Variants in CFAP299 observed in about 807,000 individuals in gnomAD.
CFAP299 encodes the protein cilia and flagella associated protein 299, also known as cilia- and flagella-associated protein 299.
A neutral mutation model predicts 27.0 loss-of-function variants in CFAP299; 21 were observed. The ratio of observed to expected loss-of-function variants is 0.78; its 90% CI spans 0.55 to 1.12. The LOEUF (loss-of-function observed/expected upper bound fraction) is 1.12. Ranked by LOEUF, CFAP299 falls within the 50% of genes most tolerant of loss-of-function variation. CFAP299 has a pLI of 0.00. For synonymous variants in CFAP299, 104 were observed against 98.1 expected (o/e 1.06, Z -0.36); for missense variants, 310 against 276.6 (o/e 1.12, Z -0.86).
chr4:80,428,300 A>G (rs1363465957), intron 2 of CFAP299, among the ~76,000 whole-genome samples: 1 of 152,154 alleles, frequency 6.6e-6, no homozygotes, highest in African/African-American at 2.4e-5. Context: ...TACTATCCCT[A>G]TTCATTCAAT....
intron 2 of CFAP299, among the ~76,000 whole-genome samples, chr4:80,478,956 G>T (rs2110124881): frequency 6.6e-6 from 1 of 152,016 alleles, no homozygotes; most frequent in African/African-American, 2.4e-5. Flanking sequence ...ACATTGATTA[G>T]ACTGATAAGG....
At chr4:80,672,465 C>CT (rs1392722177) in intron 3 of CFAP299, among the ~76,000 whole-genome samples, 3 of 152,068 alleles carry the variant, frequency 2.0e-5, no homozygotes, top group Non-Finnish European at 2.9e-5. Flanking sequence ...CTAAAATTCT[C>CT]TTTTTTTGTT....
At chr4:80,878,267 T>C (rs1282747662) in intron 4 of CFAP299, among the ~76,000 whole-genome samples, 4 of 152,160 alleles carry the variant, frequency 2.6e-5, no homozygotes, top group Admixed American at 6.5e-5. Flanking sequence ...GACCCTTGTC[T>C]TTTAGATTGT....
At chr4:80,828,265 T>C (rs1371009879) in intron 3 of CFAP299, among the ~76,000 whole-genome samples, 1 of 151,764 alleles carries the variant, frequency 6.6e-6, no homozygotes, top group Non-Finnish European at 1.5e-5. Context: ...TAAGAACAAA[T>C]TTGGAGGACT....
At chr4:80,551,686 A>C (rs992053168) in intron 2 of CFAP299, among the ~76,000 whole-genome samples, 4 of 151,698 alleles carry the variant, frequency 2.6e-5, no homozygotes, top group Non-Finnish European at 5.9e-5. Context: ...TGGAGCTGAG[A>C]TTTCTTCATA....
At chr4:80,434,528 A>C (rs1048772861) in intron 2 of CFAP299, among the ~76,000 whole-genome samples, 5 of 152,204 alleles carry the variant, frequency 3.3e-5, no homozygotes, top group South Asian at 2.1e-4. Context: ...ATATTCCACC[A>C]TGTAGATAAG....
At chr4:80,707,773 G>A (rs948020369) in intron 3 of CFAP299, among the ~76,000 whole-genome samples, 1 of 152,002 alleles carries the variant, frequency 6.6e-6, no homozygotes, top group Admixed American at 6.6e-5. Context: ...ACTTCAATGA[G>A]TGATTTATAC....
intron 2 of CFAP299, among the ~76,000 whole-genome samples, chr4:80,484,639 A>C (rs1578498823): frequency 1.3e-5 from 2 of 152,158 alleles, no homozygotes; most frequent in African/African-American, 2.4e-5. Context: ...TAAACTGTTC[A>C]GATGTATTGT....
chr4:80,861,172 C>G (rs1177081748), intron 3 of CFAP299, among the ~76,000 whole-genome samples: 1 of 152,180 alleles, frequency 6.6e-6, no homozygotes, highest in African/African-American at 2.4e-5. Context: ...GACTGCTATG[C>G]TAGCAATCAG....
chr4:80,752,034 G>T (rs569563411), intron 3 of CFAP299, among the ~76,000 whole-genome samples: 1 of 152,150 alleles, frequency 6.6e-6, no homozygotes, highest in Admixed American at 6.5e-5. Flanking sequence ...CAGACCCAAT[G>T]CCCTGGTGGC....
chr4:80,452,854 A>C (rs1254536206), intron 2 of CFAP299, among the ~76,000 whole-genome samples: 1 of 152,186 alleles, frequency 6.6e-6, no homozygotes, highest in Non-Finnish European at 1.5e-5. Context: ...TTTAACTTAA[A>C]ACAATTCACA....
At chr4:80,386,562 C>T (rs894398367) in intron 2 of CFAP299, 3 of 1,596,164 alleles carry the variant, frequency 1.9e-6, no homozygotes, top group Non-Finnish European at 2.6e-6. Flanking sequence ...TTCTGGGGGC[C>T]GAGACGACAG....
intron 3 of CFAP299, among the ~76,000 whole-genome samples, chr4:80,855,334 C>A (rs1286993229): frequency 6.6e-6 from 1 of 151,940 alleles, no homozygotes; most frequent in Non-Finnish European, 1.5e-5. Context: ...TCTAATAGTG[C>A]AAGTTCTACT....
chr4:80,579,261 C>G lies in CFAP299; in HGVS notation c.243-3832C>G, dbSNP rs543794435. Reference sequence around the variant, plus strand: ...ATTCTAGCTACAAGAAAAAAAGTACCCTTCCCTACTTTAAATACACGCCTT... The same window carrying G: ...ATTCTAGCTACAAGAAAAAAAGTACGCTTCCCTACTTTAAATACACGCCTT... On this transcript the variant is annotated intron_variant, in intron 2 of 5. Transcript: ENST00000358105. Among the ~76,000 whole-genome samples the G allele has an allele frequency of 3.9e-5, 6 of 152,258 alleles. No homozygotes were observed. In the East Asian group the frequency reaches 1.2e-3, roughly 29 times the overall value.
chr4:80,935,602 CT>C (rs917554241), intron 4 of CFAP299, among the ~76,000 whole-genome samples: 4 of 151,984 alleles, frequency 2.6e-5, no homozygotes, highest in Admixed American at 1.3e-4. Flanking sequence ...ATGCTTAAAA[CT>C]TTTAAAATCC....
At chr4:80,523,252 A>G (rs1414034059) in intron 2 of CFAP299, among the ~76,000 whole-genome samples, 1 of 152,104 alleles carries the variant, frequency 6.6e-6, no homozygotes, top group Non-Finnish European at 1.5e-5. Context: ...GCTATTGTAA[A>G]TGGGACTGTT....
chr4:80,881,694 T>C (rs751584814), intron 4 of CFAP299, among the ~76,000 whole-genome samples: 1 of 152,144 alleles, frequency 6.6e-6, no homozygotes, highest in African/African-American at 2.4e-5. Flanking sequence ...ACAAGGAATA[T>C]GAAGAATTAA....
chr4:80,737,645 T>C (rs1417600369), intron 3 of CFAP299, among the ~76,000 whole-genome samples: 1 of 152,264 alleles, frequency 6.6e-6, no homozygotes, highest in African/African-American at 2.4e-5. Flanking sequence ...CCTTTTTCAT[T>C]TCTAATCTTA....
At chr4:80,795,647 G>T (rs999322413) in intron 3 of CFAP299, among the ~76,000 whole-genome samples, 9 of 152,132 alleles carry the variant, frequency 5.9e-5, no homozygotes, top group Non-Finnish European at 1.0e-4. Flanking sequence ...TTTAGGACCT[G>T]CTTGAGCCCA....
Sources: allele counts gnomAD v4.1 joint callset (sites outside exome capture counted in the v4.1 genomes callset), GRCh38; gene constraint gnomAD v4.1.1; transcripts MANE v1.5; gene names NCBI Gene and HGNC (gene_info 2026-07-23, HGNC 2026-07-21).